The following RNF13 variants were observed in gnomAD, a reference collection of about 807,000 sequenced individuals.
RNF13 encodes the protein E3 ubiquitin-protein ligase RNF13.
RNF13 carries 19 observed loss-of-function variants against 37.7 expected under a neutral mutation model. The ratio of observed to expected loss-of-function variants is 0.50; its 90% CI spans 0.35 to 0.74. RNF13 has a LOEUF of 0.74. Ranked by LOEUF, RNF13 falls within the 30% of genes least tolerant of loss-of-function variation. The pLI is 0.01. For synonymous variants in RNF13, 144 were observed against 157.8 expected (o/e 0.91, Z 0.65); for missense variants, 375 against 453.0 (o/e 0.83, Z 1.56).
At chr3:149,840,932 T>C (rs368079041) in intron 1 of RNF13, among the ~76,000 whole-genome samples, 10 of 152,352 alleles carry the variant, frequency 6.6e-5, no homozygotes, top group South Asian at 6.2e-4. Flanking sequence ...TGGATGTGTA[T>C]CACCTCAGCA....
intron 8 of RNF13, among the ~76,000 whole-genome samples, chr3:149,941,833 G>A (rs1477222225): frequency 6.6e-6 from 1 of 151,166 alleles, no homozygotes; most frequent in Non-Finnish European, 1.5e-5. Context: ...TTACATTTAG[G>A]TCTTTAATCC....
intron 8 of RNF13, among the ~76,000 whole-genome samples, chr3:149,925,842 G>GA (rs1443963101): frequency 6.6e-6 from 1 of 152,114 alleles, no homozygotes; most frequent in Non-Finnish European, 1.5e-5. Context: ...ACAGTCTATA[G>GA]GAGTTCCTGT....
chr3:149,935,291 G>A (rs183163973), intron 8 of RNF13, among the ~76,000 whole-genome samples: 14 of 151,802 alleles, frequency 9.2e-5, no homozygotes, highest in Admixed American at 1.3e-4. Context: ...GTTTCTTATC[G>A]GCAGCAGATC....
chr3:149,835,302 T>A (rs575859085), intron 1 of RNF13, among the ~76,000 whole-genome samples: 11 of 152,276 alleles, frequency 7.2e-5, no homozygotes, highest in South Asian at 2.1e-4. Context: ...ATTTAAAAAA[T>A]TTTTTTATTT....
intron 3 of RNF13, among the ~76,000 whole-genome samples, chr3:149,863,039 G>C (rs1309843621): frequency 1.3e-5 from 2 of 152,152 alleles, no homozygotes; most frequent in African/African-American, 4.8e-5. Flanking sequence ...CCCTTATTAA[G>C]GTATTGTAAT....
chr3:149,906,405 A>G (rs1716403675), intron 6 of RNF13, among the ~76,000 whole-genome samples: 1 of 152,158 alleles, frequency 6.6e-6, no homozygotes, highest in Non-Finnish European at 1.5e-5. Flanking sequence ...ACTTTGAGGA[A>G]CTGCCAGACT....
intron 4 of RNF13, among the ~76,000 whole-genome samples, chr3:149,888,262 T>C (rs1714271850): frequency 6.6e-6 from 1 of 152,216 alleles, no homozygotes; most frequent in African/African-American, 2.4e-5. Context: ...CATATTTCAG[T>C]ATATCCTCTT....
chr3:149,909,499 C>T (rs1459628861), intron 6 of RNF13, among the ~76,000 whole-genome samples: 2 of 147,132 alleles, frequency 1.4e-5, no homozygotes, highest in African/African-American at 5.1e-5. Context: ...CCATGTTGGC[C>T]AGGCTAGTCT....
rs140368465 is a variant in RNF13 at position 149,915,247 on chromosome 3, T to A, written c.606+3164T>A. ...ATGATGTATAAATTTTGTCCTTACA[T>A]CTCTGGATTATTCAGATTTCTAATA... On this transcript the variant is annotated intron_variant, in intron 7 of 9. Coordinates refer to ENST00000392894, the MANE Select transcript of RNF13 (RefSeq NM_183381.3). Among the ~76,000 whole-genome samples the A allele has an allele frequency of 4.0e-3, 607 of 152,342 alleles. 3 individuals are homozygous for A. Among genetic ancestry groups the A allele is most frequent in the African/African-American group, 0.014 (579 of 41,586 alleles).
chr3:149,823,068 A>G (rs1720147401), intron 1 of RNF13, among the ~76,000 whole-genome samples: 1 of 152,154 alleles, frequency 6.6e-6, no homozygotes, highest in Non-Finnish European at 1.5e-5. Context: ...GCAGTATTTC[A>G]TGACACAGAC....
intron 3 of RNF13, among the ~76,000 whole-genome samples, chr3:149,867,278 T>G (rs1439117261): frequency 6.6e-6 from 1 of 152,048 alleles, no homozygotes; most frequent in Non-Finnish European, 1.5e-5. Flanking sequence ...TTTTTTTTCT[T>G]TTTTTGAGAC....
At chr3:149,892,198 T>C (rs1360899348) in intron 4 of RNF13, among the ~76,000 whole-genome samples, 1 of 152,216 alleles carries the variant, frequency 6.6e-6, no homozygotes, top group Admixed American at 6.5e-5. Context: ...TTTATTATTA[T>C]GTTAACAGAG....
At chr3:149,959,457 T>C (rs1240153941) in intron 8 of RNF13, among the ~76,000 whole-genome samples, 1 of 152,238 alleles carries the variant, frequency 6.6e-6, no homozygotes, top group Non-Finnish European at 1.5e-5. Flanking sequence ...AAAGTGGCAA[T>C]ATTAATAGTA....
At chr3:149,949,709 CTCT>C (rs1232846705) in intron 8 of RNF13, among the ~76,000 whole-genome samples, 1 of 150,932 alleles carries the variant, frequency 6.6e-6, no homozygotes, top group Non-Finnish European at 1.5e-5. Flanking sequence ...CCCTCAGATT[CTCT>C]TCATTTTCCT....
At position 149,914,061 on chromosome 3, in the gene RNF13, T is replaced by G. The variant is rs139832625; in HGVS notation, c.606+1978T>G. On this transcript the variant is annotated intron_variant, in intron 7 of 9. Coordinates refer to ENST00000392894, the MANE Select transcript of RNF13 (RefSeq NM_183381.3). ...ATTAGTATACACTCATGTATATTTA[T>G]TTTACACTTAGGTTATAATCCAGTA... Among the ~76,000 whole-genome samples the G allele has an allele frequency of 2.8e-3, 433 of 152,316 alleles. 2 individuals carry two copies. The highest frequency in any genetic ancestry group is 1.0e-2 in the African/African-American group (414 of 41,580).
At chr3:149,893,148 A>C (rs1285549998) in intron 4 of RNF13, among the ~76,000 whole-genome samples, 1 of 152,184 alleles carries the variant, frequency 6.6e-6, no homozygotes, top group Non-Finnish European at 1.5e-5. Context: ...GGATACAGTT[A>C]TCTTACTCAT....
At chr3:149,821,101 A>G (rs999476051) in intron 1 of RNF13, among the ~76,000 whole-genome samples, 1 of 151,974 alleles carries the variant, frequency 6.6e-6, no homozygotes, top group Non-Finnish European at 1.5e-5. Flanking sequence ...TCCACCTTTT[A>G]GTTATTATGA....
chr3:149,836,362 A>C (rs1230600361), intron 1 of RNF13, among the ~76,000 whole-genome samples: 1 of 152,140 alleles, frequency 6.6e-6, no homozygotes, highest in Non-Finnish European at 1.5e-5. Context: ...CAACATCACT[A>C]ATCATTGGGG....
intron 9 of RNF13, 72 bp downstream of exon 9, chr3:149,960,208 G>A (rs1178720427): frequency 1.2e-5 from 13 of 1,063,258 alleles, no homozygotes; most frequent in African/African-American, 1.6e-5. Context: ...TCCAGGGGAA[G>A]AGATGGAAAA....
Sources: allele counts gnomAD v4.1 joint callset (sites outside exome capture counted in the v4.1 genomes callset), GRCh38; gene constraint gnomAD v4.1.1; transcripts MANE v1.5; gene names NCBI Gene and HGNC (gene_info 2026-07-23, HGNC 2026-07-21).